JAKMIP2: variants seen among roughly 807,000 people sequenced by gnomAD.
JAKMIP2 encodes janus kinase and microtubule interacting protein 2.
In JAKMIP2, 25 loss-of-function variants were observed where a neutral mutation model predicts 115.0. The ratio of observed to expected loss-of-function variants is 0.22; its 90% CI spans 0.16 to 0.30. The LOEUF is 0.30. Among genes scored for constraint, JAKMIP2 ranks in the 10% least tolerant of loss-of-function variants. JAKMIP2 has a pLI of 1.00. For missense variants in JAKMIP2, 642 were observed against 957.6 expected, an observed-to-expected ratio of 0.67 and a Z score of 4.35; for synonymous variants, 334 against 343.6, an observed-to-expected ratio of 0.97 and a Z score of 0.31.
At chr5:147,714,867 A>G (rs1213174191) in intron 1 of JAKMIP2, among the ~76,000 whole-genome samples, 1 of 152,226 alleles carries the variant, frequency 6.6e-6, no homozygotes, top group Non-Finnish European at 1.5e-5. Flanking sequence ...GATGTTTTAG[A>G]TGCACACTGA....
intron 3 of JAKMIP2, chr5:147,660,492 AGCT>A (rs1442192589): frequency 2.2e-6 from 1 of 455,286 alleles, no homozygotes; most frequent in South Asian, 1.6e-5. Flanking sequence ...TGTTCTCAGT[AGCT>A]GCTGTTTTCA....
At chr5:147,731,320 A>G (rs1753725255) in intron 1 of JAKMIP2, among the ~76,000 whole-genome samples, 1 of 152,216 alleles carries the variant, frequency 6.6e-6, no homozygotes, top group Non-Finnish European at 1.5e-5. Context: ...CAATGGTAAT[A>G]TTTCAAGTAG....
intron 1 of JAKMIP2, among the ~76,000 whole-genome samples, chr5:147,779,483 A>G (rs1262087175): frequency 6.6e-6 from 1 of 152,090 alleles, no homozygotes; most frequent in East Asian, 1.9e-4. Flanking sequence ...TAAATAACAC[A>G]GTACATTTTT....
Position 147,661,396 on chromosome 5 carries a change from T to C in JAKMIP2, c.179A>G (p.Glu60Gly). 1 of 1,613,974 alleles carries C rather than the reference T, an allele frequency of 6.2e-7. No homozygotes were observed. The highest frequency in any genetic ancestry group is 8.5e-7 in the Non-Finnish European group (1 of 1,179,970). The change falls in exon 3 of 22, where the codon GAG becomes GGG. Residue 60 changes from glutamate to glycine, a missense_variant. Coordinates refer to ENST00000616793, the MANE Select transcript of JAKMIP2 (RefSeq NM_001270941.2). The part of the protein sequence containing the change: ...EKTQEAKRIR[E>G]LEQRKHTVLV... ...CACCGTGTGCTTGCGCTGCTCCAGC[T>C]CACGAATCCTCTTCGCTTCTTGAGT...
chr5:147,667,962 G>A (rs1759387242), intron 2 of JAKMIP2, among the ~76,000 whole-genome samples: 2 of 152,114 alleles, frequency 1.3e-5, no homozygotes, highest in South Asian at 2.1e-4. Context: ...AATTCCCATC[G>A]CGGCTCCTCC....
chr5:147,686,767 T>G lies in JAKMIP2; in HGVS notation c.-148-14813A>C, dbSNP rs112050559. On this transcript the variant is annotated intron_variant, in intron 1 of 21. Transcript: ENST00000616793. ...CACATTAAACTCTGTAGTATATTAA[T>G]TGTATTTATATACTTAAAAATTGAG... 9.7e-3 allele frequency among the ~76,000 whole-genome samples: 1,477 copies of G among 152,326 alleles called. 28 individuals carry two copies. Among genetic ancestry groups the G allele is most frequent in the African/African-American group, 0.033 (1,386 of 41,570 alleles).
In JAKMIP2 at chr5:147,782,526, A is replaced by C. The variant is rs145530625; in HGVS notation, c.-219T>G. ...ACTGAATCCATTTTCCTTGTGACCG[A>C]GTCGGATGCAGCCTCCGAACCCAAC... is the stretch of plus-strand genomic sequence containing the variant. On this transcript the variant is annotated 5_prime_UTR_variant, in exon 1 of 22. Transcript: ENST00000616793. 5.8e-4 allele frequency: 872 copies of C among 1,502,028 alleles called. 5 individuals carry two copies. The African/African-American group carries it at 0.011, about 19-fold the overall frequency. 93.0% of individuals were successfully genotyped at this position (1,502,028 alleles called of 1,614,324 possible).
chr5:147,721,161 G>A (rs1005960976), intron 1 of JAKMIP2, among the ~76,000 whole-genome samples: 9 of 151,594 alleles, frequency 5.9e-5, no homozygotes, highest in Non-Finnish European at 8.8e-5. Flanking sequence ...TAGGCTGCTC[G>A]GGGGTCAGGA....
rs2126628363 is a variant in JAKMIP2, at chr5:147,612,221, A to T, written c.2412+85T>A. 4.3e-6 allele frequency: 4 copies of T among 920,576 alleles called. No individual in the cohort carries two copies. In the East Asian group the frequency reaches 9.6e-5, roughly 22 times the overall value. 57.0% of individuals were successfully genotyped at this position (920,576 alleles called of 1,614,324 possible). ...TCTGCAAGACACACAATAACTGAGA[A>T]GCCAGGAAGAAAATACAGTGAGCAA... On this transcript the variant is annotated intron_variant, in intron 20 of 21. Transcript: ENST00000616793.
At chr5:147,622,499 A>G (rs748589549) in intron 17 of JAKMIP2, among the ~76,000 whole-genome samples, 6 of 152,254 alleles carry the variant, frequency 3.9e-5, no homozygotes, top group Admixed American at 1.3e-4. Context: ...GTGGATTCAT[A>G]TAGTATTTAC....
chr5:147,622,197 G>A (rs916940924), intron 17 of JAKMIP2, among the ~76,000 whole-genome samples: 1 of 152,180 alleles, frequency 6.6e-6, no homozygotes, highest in African/African-American at 2.4e-5. Flanking sequence ...ATGCATTGCT[G>A]TAAGTTAATA....
chr5:147,598,369 T>C (rs953567787), intron 21 of JAKMIP2, among the ~76,000 whole-genome samples: 2 of 152,154 alleles, frequency 1.3e-5, no homozygotes, highest in African/African-American at 4.8e-5. Context: ...ACCATGGGAC[T>C]TCTCCACCCC....
chr5:147,693,907 G>A (rs922670812), intron 1 of JAKMIP2, among the ~76,000 whole-genome samples: 1 of 152,144 alleles, frequency 6.6e-6, no homozygotes, highest in African/African-American at 2.4e-5. Context: ...CATATCTGCT[G>A]TGGTGGCCCC....
intron 21 of JAKMIP2, among the ~76,000 whole-genome samples, chr5:147,595,090 C>T (rs1209096223): frequency 6.6e-6 from 1 of 152,120 alleles, no homozygotes; most frequent in South Asian, 2.1e-4. Context: ...ACAGACTTGA[C>T]CTTTAATGAG....
chr5:147,723,624 T>C (rs1437295362), intron 1 of JAKMIP2, among the ~76,000 whole-genome samples: 1 of 152,316 alleles, frequency 6.6e-6, no homozygotes, highest in African/African-American at 2.4e-5. Flanking sequence ...TCTTCAATAT[T>C]CACAAGATGA....
chr5:147,642,366 G>A (rs1462963723), intron 7 of JAKMIP2, among the ~76,000 whole-genome samples: 1 of 152,084 alleles, frequency 6.6e-6, no homozygotes, highest in African/African-American at 2.4e-5. Context: ...TCAATTTCAT[G>A]ATTTATTGTT....
intron 1 of JAKMIP2, among the ~76,000 whole-genome samples, chr5:147,723,413 GA>G: frequency 6.6e-6 from 1 of 152,100 alleles, no homozygotes; most frequent in East Asian, 1.9e-4. Flanking sequence ...TTAACACAAT[GA>G]CTTTGTACAT....
chr5:147,734,652 CA>C (rs199523482), intron 1 of JAKMIP2, among the ~76,000 whole-genome samples: 21,243 of 139,606 alleles, frequency 0.15, 2,172 homozygotes, highest in East Asian at 0.38. Context: ...TACTATAATA[CA>C]AAAAAAAAAA....
chr5:147,743,983 C>T (rs75224646), intron 1 of JAKMIP2, among the ~76,000 whole-genome samples: 16,151 of 145,392 alleles, frequency 0.11, 1,145 homozygotes, highest in Middle Eastern at 0.19. Context: ...CCCTCCCTTC[C>T]TTCCTTCCTA....
Sources: allele counts gnomAD v4.1 joint callset (sites outside exome capture counted in the v4.1 genomes callset), GRCh38; gene constraint gnomAD v4.1.1; transcripts MANE v1.5; gene names NCBI Gene and HGNC (gene_info 2026-07-23, HGNC 2026-07-21).